The following PRPSAP2 variants were observed in gnomAD, a reference collection of about 807,000 sequenced individuals.
The protein encoded by PRPSAP2 is phosphoribosyl pyrophosphate synthetase associated protein 2.
PRPSAP2 carries 24 observed loss-of-function variants against 40.6 expected under a neutral mutation model. The ratio of observed to expected loss-of-function variants is 0.59; its 90% CI spans 0.43 to 0.83. The LOEUF is 0.83. Among genes scored for constraint, PRPSAP2 ranks in the 40% least tolerant of loss-of-function variants. The probability of loss-of-function intolerance (pLI) is 0.00; values close to 1 mark genes in which losing one functional copy is unlikely to be tolerated. For missense variants in PRPSAP2, 292 were observed against 465.6 expected, an observed-to-expected ratio of 0.63 and a Z score of 3.43; for synonymous variants, 149 against 164.7, an observed-to-expected ratio of 0.90 and a Z score of 0.73.
chr17:18,887,374 C>T (rs2039242365), intron 7 of PRPSAP2, among the ~76,000 whole-genome samples: 1 of 152,126 alleles, frequency 6.6e-6, no homozygotes, highest in African/African-American at 2.4e-5. Context: ...AACTGGATTA[C>T]AGGTGTGCAC....
At chr17:18,872,560 C>G (rs1567678269) in intron 4 of PRPSAP2, 23 bp from the exon 5 acceptor site, 1 of 1,541,284 alleles carries the variant, frequency 6.5e-7, no homozygotes, top group Non-Finnish European at 8.9e-7. Context: ...CTTTCCCTCT[C>G]TTCTTTTTCC....
intron 8 of PRPSAP2, among the ~76,000 whole-genome samples, chr17:18,902,745 T>C (rs2040346088): frequency 1.3e-5 from 2 of 151,878 alleles, no homozygotes; most frequent in Admixed American, 1.3e-4. Context: ...GGCGCACGCC[T>C]GTAATCCCAG....
chr17:18,902,574 A>G (rs7223173), intron 8 of PRPSAP2, among the ~76,000 whole-genome samples: 82,298 of 151,790 alleles, frequency 0.54, 22,665 homozygotes, highest in Middle Eastern at 0.61. Flanking sequence ...GTGTTGGCCA[A>G]ATATGATTGA....
At chr17:18,861,192 C>T (rs1741521095) in intron 1 of PRPSAP2, among the ~76,000 whole-genome samples, 1 of 152,176 alleles carries the variant, frequency 6.6e-6, no homozygotes, top group Non-Finnish European at 1.5e-5. Context: ...TGGCCGGGCG[C>T]AGTGGCTCAT....
At chr17:18,882,810 A>C in intron 7 of PRPSAP2, 127 bp downstream of exon 7, 1 of 637,468 alleles carries the variant, frequency 1.6e-6, no homozygotes, top group Non-Finnish European at 2.8e-6. Flanking sequence ...ATTATACTTT[A>C]TAGCTATAAT....
intron 8 of PRPSAP2, among the ~76,000 whole-genome samples, chr17:18,910,283 G>A (rs949703219): frequency 1.3e-5 from 2 of 152,164 alleles, no homozygotes; most frequent in East Asian, 3.8e-4. Context: ...TTAGCCAGAT[G>A]TGGTGGTGCA....
chr17:18,872,746 CTTAAAA>C, intron 5 of PRPSAP2, 97 bp downstream of exon 5: 2 of 949,868 alleles, frequency 2.1e-6, no homozygotes, highest in Non-Finnish European at 3.2e-6. Context: ...TTATAATAGT[CTTAAAA>C]TTAGTATATC....
At position 18,869,842 on chromosome 17, in the gene PRPSAP2, T is replaced by TTTG. The variant is rs1555548063; in HGVS notation, c.172+2509_172+2510insTGT. Among the ~76,000 whole-genome samples the TTTG allele has an allele frequency of 7.1e-3, 986 of 139,228 alleles. 15 individuals carry two copies. The highest frequency in any genetic ancestry group is 0.026 in the African/African-American group (944 of 36,192). 91.3% of individuals were successfully genotyped at this position (139,228 alleles called of 152,430 possible). On this transcript the variant is annotated intron_variant, in intron 4 of 11. Transcript: ENST00000268835. Reference sequence around the variant, plus strand: ...CTGTTCCCATTTTGCTACTTTTTTTTTGTGTGTGTGTGTGTGTGTGTGTGA... The same window carrying TTTG: ...CTGTTCCCATTTTGCTACTTTTTTTTTTGTGTGTGTGTGTGTGTGTGTGTGTGA...
intron 8 of PRPSAP2, among the ~76,000 whole-genome samples, chr17:18,892,144 C>T (rs1252501576): frequency 2.0e-5 from 3 of 152,268 alleles, no homozygotes; most frequent in Non-Finnish European, 2.9e-5. Flanking sequence ...CGTGAGCCAC[C>T]GCACTTGGCC....
intron 9 of PRPSAP2, among the ~76,000 whole-genome samples, chr17:18,912,218 G>C (rs1370634855): frequency 6.6e-6 from 1 of 152,086 alleles, no homozygotes; most frequent in Non-Finnish European, 1.5e-5. Flanking sequence ...AGCAGATTTG[G>C]TGTCTGTCGA....
chr17:18,858,663 A>G (rs1224790211), intron 1 of PRPSAP2: 2 of 152,164 alleles, frequency 1.3e-5, no homozygotes, highest in African/African-American at 2.4e-5. Context: ...AGTTACGAAT[A>G]TATCTCTCAC....
chr17:18,880,767 C>G (rs1043467640), intron 6 of PRPSAP2, among the ~76,000 whole-genome samples: 6 of 152,078 alleles, frequency 3.9e-5, no homozygotes, highest in African/African-American at 1.4e-4. Flanking sequence ...AAGATTTGAT[C>G]TGCTCTAATA....
At chr17:18,872,272 C>CAAAAA (rs368082910) in intron 4 of PRPSAP2, among the ~76,000 whole-genome samples, 1 of 77,458 alleles carries the variant, frequency 1.3e-5, no homozygotes. Context: ...GACTCCGTCT[C>CAAAAA]AAAAAAAAAA....
chr17:18,871,798 T>C (rs2037901151), intron 4 of PRPSAP2, among the ~76,000 whole-genome samples: 2 of 152,042 alleles, frequency 1.3e-5, no homozygotes, highest in Admixed American at 1.3e-4. Context: ...GTAGCTAGGA[T>C]TATAGGCATG....
chr17:18,917,580 TA>T (rs1567744322), intron 9 of PRPSAP2: 113 of 71,176 alleles, frequency 1.6e-3, no homozygotes, highest in African/African-American at 6.3e-3. Flanking sequence ...TTATTATTAT[TA>T]TTATTTTTTT....
At chr17:18,887,547 T>A (rs923744281) in intron 7 of PRPSAP2, among the ~76,000 whole-genome samples, 1 of 152,230 alleles carries the variant, frequency 6.6e-6, no homozygotes, top group African/African-American at 2.4e-5. Flanking sequence ...GAATTTTTTT[T>A]AATCTGTTAA....
At chr17:18,928,656 G>T (rs774279525) in intron 10 of PRPSAP2, 155 bp from the exon 11 acceptor site, 1 of 909,128 alleles carries the variant, frequency 1.1e-6, no homozygotes, top group Non-Finnish European at 1.7e-6. Flanking sequence ...ATGGGGCACG[G>T]TGATGGGGAC....
intron 4 of PRPSAP2, among the ~76,000 whole-genome samples, chr17:18,870,986 A>G (rs1027516010): frequency 6.6e-6 from 1 of 151,260 alleles, no homozygotes. Flanking sequence ...TATATGGCCT[A>G]TATTCACATT....
chr17:18,905,972 A>G (rs770635813), intron 8 of PRPSAP2, among the ~76,000 whole-genome samples: 1 of 152,166 alleles, frequency 6.6e-6, no homozygotes, highest in Non-Finnish European at 1.5e-5. Flanking sequence ...ACATCTTGGG[A>G]TATTTATCAA....
Sources: allele counts gnomAD v4.1 joint callset (sites outside exome capture counted in the v4.1 genomes callset), GRCh38; gene constraint gnomAD v4.1.1; transcripts MANE v1.5; gene names NCBI Gene and HGNC (gene_info 2026-07-23, HGNC 2026-07-21).